SMAP2: variants seen among roughly 807,000 people sequenced by gnomAD.
SMAP2 encodes stromal membrane-associated protein 2.
Under a neutral mutation model 56.4 loss-of-function variants are expected in SMAP2, and 25 were observed. That is an observed-to-expected ratio of 0.44 (90% confidence interval 0.32 to 0.62). The LOEUF is 0.62. SMAP2 is among the 20% of genes least tolerant of loss of function. The pLI is 0.04. For synonymous variants in SMAP2, 157 were observed against 181.7 expected, an observed-to-expected ratio of 0.86 and a Z score of 1.09; for missense variants, 388 against 545.6, an observed-to-expected ratio of 0.71 and a Z score of 2.88.
Position 40,374,180 on chromosome 1 carries a change from G to C in SMAP2, c.60G>C (p.Leu20=). 1.2e-6 allele frequency: 2 copies of C among 1,613,794 alleles called. No individual in the cohort carries two copies. The highest frequency in any genetic ancestry group is 1.7e-6 in the Non-Finnish European group (2 of 1,179,854). Residue 20 remains leucine, a synonymous_variant, in exon 1 of 10, where the codon CTG becomes CTC. Coordinates refer to ENST00000372718, the MANE Select transcript of SMAP2 (RefSeq NM_022733.3). The surrounding 1 kb of genome is among the most constrained non-coding windows in gnomAD (Gnocchi z 5.9). ...DRYQAVLANL[L]LEEDNKFCAD... ...ACCAGGCTGTCCTGGCCAACCTGCT[G>C]CTGGAGGAGGATAACAAGTTTTGTG... is the stretch of plus-strand genomic sequence containing the variant.
chr1:40,374,560 G>A lies in SMAP2; in HGVS notation c.103+337G>A. ...GAGCTCCCAGCATGTCACTTGCAAA[G>A]CTGGGGATGAACTGCATTGCGTGCG... On this transcript the variant is annotated intron_variant, in intron 1 of 9. Transcript: ENST00000372718. The surrounding 1 kb of genome is among the most constrained non-coding windows in gnomAD (Gnocchi z 5.9). 2 of 1,169,278 alleles carry A rather than the reference G, an allele frequency of 1.7e-6. No individual in the cohort carries two copies. Among genetic ancestry groups the A allele is most frequent in the Non-Finnish European group, 2.5e-6 (2 of 805,672 alleles). 72.4% of individuals were successfully genotyped at this position (1,169,278 alleles called of 1,614,324 possible).
intron 1 of SMAP2, among the ~76,000 whole-genome samples, chr1:40,379,173 T>C (rs1644571396): frequency 6.6e-6 from 1 of 152,026 alleles, no homozygotes; most frequent in South Asian, 2.1e-4. Flanking sequence ...GGTTTCACCA[T>C]GTTGGTCAGG....
chr1:40,412,932 C>T (rs1347085804), intron 4 of SMAP2, 84 bp from the exon 5 acceptor site: 18 of 1,044,342 alleles, frequency 1.7e-5, no homozygotes, highest in Middle Eastern at 3.0e-4. Flanking sequence ...TTGGAGGTGT[C>T]CTTTTCGGAC....
intron 1 of SMAP2, among the ~76,000 whole-genome samples, chr1:40,404,015 T>C (rs1234968781): frequency 2.0e-5 from 3 of 152,208 alleles, no homozygotes; most frequent in African/African-American, 7.2e-5. Context: ...GGAGAATCGC[T>C]TGAGGCGAGG....
At chr1:40,400,647 G>T (rs894055986) in intron 1 of SMAP2, among the ~76,000 whole-genome samples, 2 of 151,952 alleles carry the variant, frequency 1.3e-5, no homozygotes, top group African/African-American at 4.8e-5. Flanking sequence ...AGTTGACTAA[G>T]ATGAAGAAAA....
chr1:40,416,567 G>A (rs556856288), intron 8 of SMAP2, among the ~76,000 whole-genome samples: 1 of 152,290 alleles, frequency 6.6e-6, no homozygotes, highest in East Asian at 1.9e-4. Context: ...TCAAGGTCTG[G>A]ATCTGGACCC....
intron 1 of SMAP2, among the ~76,000 whole-genome samples, chr1:40,350,530 G>A (rs908180061): frequency 1.3e-5 from 2 of 152,180 alleles, no homozygotes; most frequent in South Asian, 4.1e-4. Context: ...AAAACCAGGA[G>A]GAAACTGTAT....
intron 1 of SMAP2, among the ~76,000 whole-genome samples, chr1:40,355,644 C>A (rs772298901): frequency 6.6e-6 from 1 of 151,822 alleles, no homozygotes; most frequent in Non-Finnish European, 1.5e-5. Flanking sequence ...TTTTTTGAGA[C>A]GGAGTCTCAC....
Position 40,374,728 on chromosome 1 carries a change from G to A in SMAP2, c.103+505G>A, listed in dbSNP as rs1474550092. On this transcript the variant is annotated intron_variant, in intron 1 of 9. Coordinates refer to ENST00000372718, the MANE Select transcript of SMAP2 (RefSeq NM_022733.3). The surrounding 1 kb of genome is among the most constrained non-coding windows in gnomAD (Gnocchi z 5.9). Reference sequence around the variant, plus strand: ...TTAAAGGTGGTGATTTTTGCTTCCTGCTATTTGGTTAGCAACTCCTGTCAT... The same window carrying A: ...TTAAAGGTGGTGATTTTTGCTTCCTACTATTTGGTTAGCAACTCCTGTCAT... The A allele has an allele frequency of 2.6e-6, 4 of 1,550,350 alleles. No homozygotes were observed. Among genetic ancestry groups the A allele is most frequent in the Non-Finnish European group, 3.5e-6 (4 of 1,146,984 alleles).
chr1:40,355,458 A>G (rs906151267), intron 1 of SMAP2, among the ~76,000 whole-genome samples: 1 of 152,208 alleles, frequency 6.6e-6, no homozygotes, highest in African/African-American at 2.4e-5. Context: ...GGGGTACATG[A>G]GATATTTTGA....
intron 2 of SMAP2, among the ~76,000 whole-genome samples, chr1:40,363,362 A>G (rs2124179984): frequency 6.6e-6 from 1 of 152,350 alleles, no homozygotes; most frequent in East Asian, 1.9e-4. Flanking sequence ...AACAACTATA[A>G]GAGTTGAAAA....
intron 1 of SMAP2, among the ~76,000 whole-genome samples, chr1:40,375,370 A>G (rs1203871593): frequency 6.6e-6 from 1 of 152,188 alleles, no homozygotes; most frequent in Non-Finnish European, 1.5e-5. Flanking sequence ...AGATTCAGTT[A>G]TATTCGTATT....
intron 1 of SMAP2, among the ~76,000 whole-genome samples, chr1:40,345,966 CTTTTT>C (rs71060369): frequency 1.7e-4 from 6 of 35,336 alleles, no homozygotes; most frequent in South Asian, 2.5e-3. Flanking sequence ...ATTTCTATCA[CTTTTT>C]TTTTTTTTTT....
chr1:40,386,879 A>G lies in SMAP2; in HGVS notation c.103+12656A>G, dbSNP rs1027105609. On this transcript the variant is annotated intron_variant, in intron 1 of 9. Transcript: ENST00000372718. The surrounding 1 kb of genome is among the most constrained non-coding windows in gnomAD (Gnocchi z 4.1). Reference sequence around the variant, plus strand: ...TTTTTTTTTTTTTTTTTTGGAGACAAGGTCTCTCGCTCCGTCGCCCAAGCT... The same window carrying G: ...TTTTTTTTTTTTTTTTTTGGAGACAGGGTCTCTCGCTCCGTCGCCCAAGCT... Among the ~76,000 whole-genome samples the G allele has an allele frequency of 4.1e-5, 6 of 147,752 alleles. No individual in the cohort carries two copies. Among genetic ancestry groups the G allele is most frequent in the East Asian group, 2.0e-4 (1 of 5,110 alleles).
chr1:40,387,614 G>A (rs1644670028), intron 1 of SMAP2, among the ~76,000 whole-genome samples: 1 of 152,060 alleles, frequency 6.6e-6, no homozygotes, highest in Non-Finnish European at 1.5e-5. Flanking sequence ...GAACATAAGG[G>A]ACATAAGGAA....
intron 7 of SMAP2, among the ~76,000 whole-genome samples, chr1:40,415,943 TTTTG>T (rs1348871559): frequency 6.6e-6 from 1 of 152,172 alleles, no homozygotes; most frequent in Non-Finnish European, 1.5e-5. Context: ...TTGTGGGTTG[TTTTG>T]TTTGTTTGTT....
At chr1:40,347,941 C>G (rs1423722003) in intron 1 of SMAP2, among the ~76,000 whole-genome samples, 3 of 151,958 alleles carry the variant, frequency 2.0e-5, no homozygotes, top group Non-Finnish European at 4.4e-5. Flanking sequence ...ATTCTACATA[C>G]TCATCTATTT....
rs774662443 is a variant in SMAP2 at position 40,413,150 on chromosome 1, A to T, written c.489+48A>T. 4.8e-6 allele frequency: 7 copies of T among 1,443,734 alleles called. No homozygotes were observed. In the Middle Eastern group the frequency reaches 6.9e-4, roughly 143 times the overall value. The allele number at this position is 1,443,734 out of a possible 1,614,324, so 89.4% of individuals were successfully genotyped here. ...TGTATGGACAGCCTCAGGTATGTGT[A>T]TATTTGTGAAAGGGAAAGTAGGAGG... On this transcript the variant is annotated intron_variant, in intron 5 of 9. Transcript: ENST00000372718.
At chr1:40,416,633 G>A in intron 8 of SMAP2, 147 bp from the exon 9 acceptor site, 1 of 886,998 alleles carries the variant, frequency 1.1e-6, no homozygotes, top group Non-Finnish European at 1.7e-6. Context: ...AGGCCTCGTA[G>A]GGACTCTAAC....
Sources: gnomAD v4.1 joint callset for allele counts (sites outside exome capture counted in the v4.1 genomes callset) on GRCh38, gnomAD v4.1.1 for gene constraint, Gnocchi (gnomAD v3.1) non-coding constraint, MANE v1.5 for transcripts, NCBI Gene and HGNC (gene_info 2026-07-23, HGNC 2026-07-21) for gene names.